MAST4: variants seen among roughly 807,000 people sequenced by gnomAD.
The protein encoded by MAST4 is microtubule associated serine/threonine kinase family member 4, also known as microtubule-associated serine/threonine-protein kinase 4.
Under a neutral mutation model 162.7 loss-of-function variants are expected in MAST4, and 89 were observed. That is an observed-to-expected ratio of 0.55 (90% CI 0.46 to 0.65). The LOEUF is 0.65. Ranked by LOEUF, MAST4 falls within the 30% of genes least tolerant of loss-of-function variation. The pLI, the probability that MAST4 is intolerant of heterozygous loss-of-function variation, is 0.00. For synonymous variants in MAST4, 1,479 were observed against 1,361.1 expected (o/e 1.09, Z -1.91); for missense variants, 3,153 against 3,374.0 (o/e 0.93, Z 1.62).
At chr5:66,856,571 C>T (rs757525370) in intron 3 of MAST4, among the ~76,000 whole-genome samples, 2 of 152,222 alleles carry the variant, frequency 1.3e-5, no homozygotes, top group African/African-American at 2.4e-5. Flanking sequence ...ATGTGCCAGT[C>T]AATGTCAGTG....
chr5:66,649,310 G>C (rs1746062421), intron 1 of MAST4, among the ~76,000 whole-genome samples: 2 of 152,146 alleles, frequency 1.3e-5, no homozygotes, highest in South Asian at 4.2e-4. Context: ...TGAGAGGTGA[G>C]AAAAATTGTG....
intron 1 of MAST4, among the ~76,000 whole-genome samples, chr5:66,670,637 G>A (rs1190317319): frequency 6.6e-6 from 1 of 152,130 alleles, no homozygotes; most frequent in Non-Finnish European, 1.5e-5. Context: ...AGGATGCCGG[G>A]CAGTGTATCT....
chr5:66,667,734 C>T (rs10042322), intron 1 of MAST4, among the ~76,000 whole-genome samples: 4,077 of 152,206 alleles, frequency 0.027, 200 homozygotes, highest in African/African-American at 0.092. Flanking sequence ...TTGCTTAATA[C>T]GTTAGTCTAT....
intron 1 of MAST4, among the ~76,000 whole-genome samples, chr5:66,597,460 G>A (rs896297666): frequency 2.0e-5 from 3 of 152,170 alleles, no homozygotes; most frequent in African/African-American, 7.2e-5. Flanking sequence ...GCAGGAGTAG[G>A]GTGGGGGGCA....
At chr5:67,005,955 G>A (rs1338944388) in intron 4 of MAST4, among the ~76,000 whole-genome samples, 1 of 152,184 alleles carries the variant, frequency 6.6e-6, no homozygotes, top group Admixed American at 6.5e-5. Flanking sequence ...CAGGATGCAG[G>A]CTCTCAGATT....
intron 1 of MAST4, among the ~76,000 whole-genome samples, chr5:66,734,721 G>A (rs1415174200): frequency 1.3e-5 from 2 of 152,198 alleles, no homozygotes; most frequent in Admixed American, 6.5e-5. Context: ...TAGTGCAACT[G>A]AGGAACTAAA....
At chr5:66,922,148 G>A (rs1418482895) in intron 4 of MAST4, among the ~76,000 whole-genome samples, 2 of 152,196 alleles carry the variant, frequency 1.3e-5, no homozygotes, top group African/African-American at 4.8e-5. Flanking sequence ...CCTAAGAGAA[G>A]ATGCAGTTCT....
intron 1 of MAST4, among the ~76,000 whole-genome samples, chr5:66,682,231 T>G (rs1748378105): frequency 6.6e-6 from 1 of 152,034 alleles, no homozygotes; most frequent in Non-Finnish European, 1.5e-5. Context: ...TGGATTAGAG[T>G]CCACACCTGG....
chr5:66,691,919 A>G (rs1267739518), intron 1 of MAST4, among the ~76,000 whole-genome samples: 1 of 152,186 alleles, frequency 6.6e-6, no homozygotes, highest in East Asian at 1.9e-4. Context: ...CTAAGAGTTT[A>G]TTAAGAATGT....
At chr5:66,863,674 C>T (rs1580696043) in intron 3 of MAST4, among the ~76,000 whole-genome samples, 1 of 152,298 alleles carries the variant, frequency 6.6e-6, no homozygotes, top group Middle Eastern at 3.4e-3. Flanking sequence ...TGGTTGGGTT[C>T]AGCCCCATGG....
Position 67,062,184 on chromosome 5 carries a change from G to A in MAST4, c.763+7692G>A, listed in dbSNP as rs143548934. On this transcript the variant is annotated intron_variant, in intron 5 of 28. Coordinates refer to ENST00000403625, the MANE Select transcript of MAST4 (RefSeq NM_001164664.2). ...TGGGAGGCTGAGGTGGGCGGATTAC[G>A]AGGTTGGGAGATCCAGACCATCCTG... is the stretch of plus-strand genomic sequence containing the variant. 4.1e-3 allele frequency among the ~76,000 whole-genome samples: 619 copies of A among 152,258 alleles called. 3 individuals carry two copies. The highest frequency in any genetic ancestry group is 0.014 in the African/African-American group (573 of 41,562).
intron 4 of MAST4, among the ~76,000 whole-genome samples, chr5:67,048,987 G>GTATATATATATATATGTA (rs34164320): frequency 2.0e-5 from 2 of 102,402 alleles, no homozygotes; most frequent in African/African-American, 7.7e-5. Flanking sequence ...ATATATATAT[G>GTATATATATATATATGTA]TATATATATA....
intron 3 of MAST4, among the ~76,000 whole-genome samples, chr5:66,833,440 G>A (rs1424345883): frequency 6.6e-6 from 1 of 152,098 alleles, no homozygotes; most frequent in Admixed American, 6.6e-5. Context: ...CCATATCACT[G>A]CCCTGGTGTA....
chr5:66,771,223 C>A (rs183293974), intron 2 of MAST4, among the ~76,000 whole-genome samples: 2 of 151,492 alleles, frequency 1.3e-5, no homozygotes, highest in African/African-American at 4.9e-5. Flanking sequence ...CTCACTCTGT[C>A]GCCCAGGCTG....
chr5:66,915,266 C>CAAAAAA lies in MAST4; in HGVS notation c.674+15301_674+15306dup, dbSNP rs70987147. Among the ~76,000 whole-genome samples, 580 of 83,584 alleles carry CAAAAAA rather than the reference C, an allele frequency of 6.9e-3. 7 individuals are homozygous for CAAAAAA. The highest frequency in any genetic ancestry group is 9.9e-3 in the Admixed American group (81 of 8,142). The allele number at this position is 83,584 out of a possible 152,430, so 54.8% of individuals were successfully genotyped here. ...GGGCTTCAGAGTGAGACTCTTGTCT[C>CAAAAAA]AAAAAAAAAAAAAAAAAAAAAATCA... is the stretch of plus-strand genomic sequence containing the variant. On this transcript the variant is annotated intron_variant, in intron 4 of 28. Coordinates refer to ENST00000403625, the MANE Select transcript of MAST4 (RefSeq NM_001164664.2).
At chr5:67,097,556 C>T (rs960996358) in intron 7 of MAST4, among the ~76,000 whole-genome samples, 5 of 152,038 alleles carry the variant, frequency 3.3e-5, no homozygotes, top group Non-Finnish European at 7.4e-5. Flanking sequence ...CTGACCTGGT[C>T]GTCAGTCAAA....
intron 4 of MAST4, 44 bp downstream of exon 4, chr5:66,900,026 T>C (rs1762909762): frequency 1.6e-6 from 2 of 1,284,834 alleles, no homozygotes; most frequent in Non-Finnish European, 2.1e-6. Context: ...TTTATTAATA[T>C]ATAGTTTATA....
chr5:67,089,784 C>T (rs1377443119), intron 5 of MAST4, among the ~76,000 whole-genome samples: 1 of 152,202 alleles, frequency 6.6e-6, no homozygotes, highest in East Asian at 1.9e-4. Flanking sequence ...GAAGCATATG[C>T]TTACCCATGC....
chr5:66,977,836 TATA>T (rs1163193861), intron 4 of MAST4, among the ~76,000 whole-genome samples: 3 of 152,376 alleles, frequency 2.0e-5, no homozygotes, highest in African/African-American at 7.2e-5. Flanking sequence ...CAGTTCTGTG[TATA>T]GGTTTGTGCA....
Sources: allele counts gnomAD v4.1 joint callset (sites outside exome capture counted in the v4.1 genomes callset), GRCh38; gene constraint gnomAD v4.1.1; transcripts MANE v1.5; gene names NCBI Gene and HGNC (gene_info 2026-07-23, HGNC 2026-07-21).